Variants in ZNF273 observed in about 807,000 individuals in gnomAD.
ZNF273 encodes zinc finger protein 9.
In ZNF273, 11 loss-of-function variants were observed where a neutral mutation model predicts 14.9. That is an observed-to-expected ratio of 0.74 (90% CI 0.46 to 1.22). The LOEUF is 1.22. Ranked by LOEUF, ZNF273 falls within the 50% of genes most tolerant of loss-of-function variation. ZNF273 has a pLI of 0.00. For synonymous variants in ZNF273, 199 were observed against 223.9 expected (o/e 0.89, Z 0.99); for missense variants, 577 against 660.6 (o/e 0.87, Z 1.39).
At position 64,930,943 on chromosome 7, in the gene ZNF273, A is replaced by G. The variant is rs951465040; in HGVS notation, c.*1905A>G. On this transcript the variant is annotated 3_prime_UTR_variant, in exon 4 of 4. Transcript: ENST00000476120. ...TTTTTATGGTCATAATAAAAATTAC[A>G]AAAGTATGAATAAAATACATACATT... 1.3e-5 allele frequency: 2 copies of G among 152,158 alleles called. No individual in the cohort carries two copies. Among genetic ancestry groups the G allele is most frequent in the Non-Finnish European group, 2.9e-5 (2 of 67,978 alleles). 9.4% of individuals were successfully genotyped at this position (152,158 alleles called of 1,614,324 possible).
At position 64,927,958 on chromosome 7, in the gene ZNF273, A is replaced by G. The variant is rs762285538; in HGVS notation, c.630A>G (p.Glu210=). The change falls in exon 4 of 4, where the codon GAA becomes GAG. Residue 210 remains glutamate (E), a synonymous_variant. Transcript: ENST00000476120. ...GAAAGAAACCTTTCAAATGTAAAGA[A>G]TGTGGCAAATCATGTTGCATACTTT... is the stretch of plus-strand genomic sequence containing the variant. ...QTGKKPFKCK[E]CGKSCCILSQ... 2 of 1,613,920 alleles carry G rather than the reference A, an allele frequency of 1.2e-6. No homozygotes were observed. Among genetic ancestry groups the G allele is most frequent in the South Asian group, 1.1e-5 (1 of 91,012 alleles).
chr7:64,933,856 A>G (rs986257718), downstream of ZNF273, among the ~76,000 whole-genome samples: 3 of 152,226 alleles, frequency 2.0e-5, no homozygotes, highest in South Asian at 2.1e-4. Flanking sequence ...TTTACCTCAC[A>G]TAGTTAACAT....
Position 64,917,682 on chromosome 7 carries a change from TA to T in ZNF273, c.206del (p.Asn69ThrfsTer17). The T allele has an allele frequency of 6.3e-7, 1 of 1,597,452 alleles. No homozygotes were observed. Among genetic ancestry groups the T allele is most frequent in the African/African-American group, 1.3e-5 (1 of 74,586 alleles). On this transcript the variant is annotated frameshift_variant, in exon 2 of 4. Coordinates refer to ENST00000476120, the MANE Select transcript of ZNF273 (RefSeq NM_021148.3). LOFTEE classifies it high-confidence loss of function. ...QNLYRNVMLD[N>X]YRNLVFLGIA... ...ATTTGTATAGGAATGTGATGTTAGATAACTACAGAAACCTGGTCTTCCTGGG... is the reference window on the plus strand; with the variant it reads ...ATTTGTATAGGAATGTGATGTTAGATACTACAGAAACCTGGTCTTCCTGGG...
chr7:64,937,095 C>T, the ZNF273 span, among the ~76,000 whole-genome samples: 353 of 152,284 alleles, frequency 2.3e-3, no homozygotes, highest in Admixed American at 3.5e-3. Flanking sequence ...CAATAGAAAT[C>T]AACAAAATGA....
At chr7:64,899,287 C>T (rs1035567365), upstream of ZNF273, among the ~76,000 whole-genome samples, 64 of 152,214 alleles carry the variant, frequency 4.2e-4, no homozygotes, top group Admixed American at 1.3e-4. Context: ...AATTTTATCC[C>T]ATTTAAAATG....
intron 3 of ZNF273, among the ~76,000 whole-genome samples, chr7:64,919,773 A>G (rs756482541): frequency 6.6e-6 from 1 of 152,124 alleles, no homozygotes; most frequent in African/African-American, 2.4e-5. Flanking sequence ...TGTTAATTTT[A>G]TATTTTGCTG....
At chr7:64,892,518 GTTC>G (rs1397079861), downstream of ZNF273, among the ~76,000 whole-genome samples, 2 of 152,188 alleles carry the variant, frequency 1.3e-5, no homozygotes, top group African/African-American at 4.8e-5. Flanking sequence ...AAGCAGCCTT[GTTC>G]TTCTGGGGTG....
intron 1 of ZNF273, among the ~76,000 whole-genome samples, chr7:64,912,826 G>GTTTTTTTTTGTTTTTTTTTTTTTTTTT (rs1793639044): frequency 2.7e-5 from 1 of 36,568 alleles, no homozygotes; most frequent in Non-Finnish European, 5.7e-5. Context: ...ATTCATTTTA[G>GTTTTTTTTTGTTTTTTTTTTTTTTTTT]TTTTTTTTTT....
rs1004172825 is a variant in ZNF273 at position 64,930,949 on chromosome 7, A to G, written c.*1911A>G. ...TGGTCATAATAAAAATTACAAAAGT[A>G]TGAATAAAATACATACATTTCTGAG... On this transcript the variant is annotated 3_prime_UTR_variant, in exon 4 of 4. Transcript: ENST00000476120. 5 of 152,166 alleles carry G rather than the reference A, an allele frequency of 3.3e-5. No homozygotes were observed. Among genetic ancestry groups the G allele is most frequent in the African/African-American group, 4.8e-5 (2 of 41,452 alleles). The allele number at this position is 152,166 out of a possible 1,614,324, so 9.4% of individuals were successfully genotyped here. A position where few individuals can be genotyped will look rare whatever the true frequency, so the allele number is the denominator to read the frequency against.
chr7:64,934,335 T>C (rs1196965565), downstream of ZNF273, among the ~76,000 whole-genome samples: 1 of 152,240 alleles, frequency 6.6e-6, no homozygotes, highest in Admixed American at 6.5e-5. Context: ...TGAAGTAATC[T>C]GACATCAATT....
intron 1 of ZNF273, chr7:64,888,550 T>C: frequency 1.0e-6 from 1 of 985,786 alleles, no homozygotes; most frequent in Non-Finnish European, 1.2e-6. Context: ...CGTTCTTTAT[T>C]ATGATGATTT....
At chr7:64,921,648 CA>C (rs113004942) in intron 3 of ZNF273, among the ~76,000 whole-genome samples, 6,879 of 69,108 alleles carry the variant, frequency 0.1, 466 homozygotes, top group Middle Eastern at 0.19. Flanking sequence ...GTGTGTGAGA[CA>C]GAGTCTTGCT....
downstream of ZNF273, among the ~76,000 whole-genome samples, chr7:64,892,902 C>G (rs1792121094): frequency 6.6e-6 from 1 of 152,012 alleles, no homozygotes; most frequent in Non-Finnish European, 1.5e-5. Flanking sequence ...TTAAGTGGGT[C>G]TTCTTCCTGA....
At chr7:64,899,016 A>G (rs1331423681), upstream of ZNF273, among the ~76,000 whole-genome samples, 2 of 152,262 alleles carry the variant, frequency 1.3e-5, no homozygotes, top group Non-Finnish European at 2.9e-5. Flanking sequence ...TAAACATGAA[A>G]GCAAAGCAGA....
rs146824482 is a variant in ZNF273 at position 64,906,897 on chromosome 7, C to G, written c.102+3478C>G. On this transcript the variant is annotated intron_variant, in intron 1 of 3. Transcript: ENST00000476120. ...ACAGGCAAAGTACCAACTATAAGAT[C>G]TTGAAGGACTGCAAAGTTTAGGCAG... Among the ~76,000 whole-genome samples the G allele has an allele frequency of 5.1e-3, 783 of 152,114 alleles. 3 individuals carry two copies. The highest frequency in any genetic ancestry group is 9.3e-3 in the Non-Finnish European group (635 of 68,000).
At chr7:64,888,685 G>C (rs369340580) in exon 2 of ZNF273, 67 of 985,590 alleles carry the variant, frequency 6.8e-5, no homozygotes, top group East Asian at 1.1e-4. Flanking sequence ...CAAAGTCTTC[G>C]GGGTGAGAGG....
At chr7:64,889,703 A>T, downstream of ZNF273, 1 of 985,794 alleles carries the variant, frequency 1.0e-6, no homozygotes, top group Non-Finnish European at 1.2e-6. The surrounding 1 kb of genome is among the most constrained non-coding windows in gnomAD (Gnocchi z 4.2). Flanking sequence ...AACGCTCGGG[A>T]TGCGGTTTGG....
At position 64,917,638 on chromosome 7, in the gene ZNF273, C is replaced by T. The variant is rs769085143; in HGVS notation, c.160C>T (p.Leu54=). Residue 54 remains leucine (L), a synonymous_variant, in exon 2 of 4, where the codon CTG becomes TTG. Transcript: ENST00000476120. ...IEFSLEEWQC[L]DTSQQNLYRN... ...ATTCTCTCTGGAGGAGTGGCAATGC[C>T]TGGACACTTCACAGCAGAATTTGTA... 1.2e-6 allele frequency: 2 copies of T among 1,600,484 alleles called. No homozygotes were observed. Among genetic ancestry groups the T allele is most frequent in the African/African-American group, 1.3e-5 (1 of 74,640 alleles).
At chr7:64,887,959 C>T (rs1187650302) in intron 1 of ZNF273, among the ~76,000 whole-genome samples, 2 of 152,250 alleles carry the variant, frequency 1.3e-5, no homozygotes, top group Middle Eastern at 3.4e-3. Flanking sequence ...AAGCAGGAAG[C>T]CCTACCTGCG....
Sources: allele counts gnomAD v4.1 joint callset (sites outside exome capture counted in the v4.1 genomes callset), GRCh38; gene constraint gnomAD v4.1.1; non-coding constraint Gnocchi (gnomAD v3.1); transcripts MANE v1.5; gene names NCBI Gene and HGNC (gene_info 2026-07-23, HGNC 2026-07-21).